The following YWHAB variants were observed in gnomAD, a reference collection of about 807,000 sequenced individuals.
YWHAB encodes the protein 14-3-3 protein beta/alpha.
Under a neutral mutation model 28.5 loss-of-function variants are expected in YWHAB, and 2 were observed. The ratio of observed to expected loss-of-function variants is 0.07; its 90% confidence interval spans 0.03 to 0.22. The LOEUF (loss-of-function observed/expected upper bound fraction) is 0.22, where lower values mean the gene tolerates loss of function less well. Ranked by LOEUF, YWHAB falls within the 10% of genes least tolerant of loss-of-function variation. The pLI, the probability that YWHAB is intolerant of heterozygous loss-of-function variation, is 1.00. For missense variants in YWHAB, 148 were observed against 297.1 expected, an observed-to-expected ratio of 0.50 and a Z score of 3.69; for synonymous variants, 103 against 104.7, an observed-to-expected ratio of 0.98 and a Z score of 0.10.
At chr20:44,903,626 G>A (rs773368832) in intron 2 of YWHAB, 4 of 171,730 alleles carry the variant, frequency 2.3e-5, no homozygotes, top group Non-Finnish European at 3.7e-5. Context: ...GTACACAAAT[G>A]TATCTTAATG....
chr20:44,903,679 C>T, intron 2 of YWHAB: 1 of 196,726 alleles, frequency 5.1e-6, no homozygotes. Flanking sequence ...GCTTTTTTTC[C>T]ACTCAGATTT....
intron 1 of YWHAB, among the ~76,000 whole-genome samples, chr20:44,895,126 A>G (rs1000812884): frequency 3.9e-5 from 6 of 152,226 alleles, no homozygotes; most frequent in Non-Finnish European, 5.9e-5. Flanking sequence ...GGCAAGGTAA[A>G]TCAGTGAGGG....
At chr20:44,904,491 C>T (rs550783946) in intron 3 of YWHAB, among the ~76,000 whole-genome samples, 1 of 151,786 alleles carries the variant, frequency 6.6e-6, no homozygotes, top group African/African-American at 2.4e-5. Context: ...TTATTAAGTG[C>T]TTCTGTGCCA....
chr20:44,907,528 C>T lies in YWHAB; in HGVS notation c.*1090C>T, dbSNP rs1601100872. 1 of 152,222 alleles carries T rather than the reference C, an allele frequency of 6.6e-6. No individual in the cohort carries two copies. Among genetic ancestry groups the T allele is most frequent in the South Asian group, 2.1e-4 (1 of 4,830 alleles). The allele number at this position is 152,222 out of a possible 1,614,324, so 9.4% of individuals were successfully genotyped here. A position where few individuals can be genotyped will look rare whatever the true frequency, so the allele number is the denominator to read the frequency against. ...TTTCACTTGAGGAGTACTCAGTTTTCAGGTTCTTCCTAGCTCGGGGCTTTT... is the reference window on the plus strand; with the variant it reads ...TTTCACTTGAGGAGTACTCAGTTTTTAGGTTCTTCCTAGCTCGGGGCTTTT... On this transcript the variant is annotated 3_prime_UTR_variant, in exon 6 of 6. Coordinates refer to ENST00000353703, the MANE Select transcript of YWHAB (RefSeq NM_139323.4).
intron 1 of YWHAB, among the ~76,000 whole-genome samples, chr20:44,900,863 C>G (rs1044116092): frequency 6.6e-6 from 1 of 152,082 alleles, no homozygotes; most frequent in African/African-American, 2.4e-5. Flanking sequence ...GCAACCTCTG[C>G]CTTTTGGTTT....
chr20:44,891,656 A>G (rs1252753528), intron 1 of YWHAB, among the ~76,000 whole-genome samples: 7 of 152,166 alleles, frequency 4.6e-5, no homozygotes, highest in African/African-American at 1.4e-4. Context: ...TCACATGTGT[A>G]ACCTTGCGCC....
At chr20:44,887,888 TTTG>T (rs1165302492) in intron 1 of YWHAB, 4 of 152,224 alleles carry the variant, frequency 2.6e-5, no homozygotes, top group African/African-American at 9.6e-5. Context: ...AAGCTTTTGG[TTTG>T]TTTTTTAATC....
chr20:44,894,686 A>G (rs1223341106), intron 1 of YWHAB, among the ~76,000 whole-genome samples: 1 of 152,198 alleles, frequency 6.6e-6, no homozygotes, highest in African/African-American at 2.4e-5. Flanking sequence ...TGCACTATGC[A>G]TTTTTCAAGG....
chr20:44,905,905 C>T, intron 4 of YWHAB, 96 bp from the exon 5 acceptor site: 1 of 897,174 alleles, frequency 1.1e-6, no homozygotes, highest in Non-Finnish European at 1.8e-6. Flanking sequence ...AAGTACTGTA[C>T]AAGAAGATAA....
rs766591292 is a variant in YWHAB, at chr20:44,901,653, C to G, written c.120C>G (p.Asn40Lys). ...AVTEQGHELS[N>K]EERNLLSVAY... The stretch of plus-strand genomic sequence containing the variant: ...CAGAACAGGGGCATGAACTCTCCAA[C>G]GAAGAGAGAAATCTGCTCTCTGTTG... The change falls in exon 2 of 6, where the codon AAC (asparagine) becomes AAG (lysine). Residue 40 changes from asparagine (N) to lysine (K), a missense_variant. Asn to Lys is a moderately conservative substitution (Grantham distance 94). Around this residue, in one of 2 missense-constraint regions of YWHAB, gnomAD observed 110 missense variants for 177.9 expected, o/e 0.62. Coordinates refer to ENST00000353703, the MANE Select transcript of YWHAB (RefSeq NM_139323.4). 6.2e-7 allele frequency: 1 copy of G among 1,613,702 alleles called. No individual in the cohort carries two copies. The highest frequency in any genetic ancestry group is 8.5e-7 in the Non-Finnish European group (1 of 1,179,968).
chr20:44,891,169 A>C (rs564124610), intron 1 of YWHAB, among the ~76,000 whole-genome samples: 1 of 151,576 alleles, frequency 6.6e-6, no homozygotes, highest in East Asian at 2.0e-4. Context: ...CCTAGGCTGG[A>C]GTGCAGTGGC....
chr20:44,905,931 C>A, intron 4 of YWHAB, 70 bp from the exon 5 acceptor site: 1 of 1,208,192 alleles, frequency 8.3e-7, no homozygotes, highest in Non-Finnish European at 1.2e-6. Flanking sequence ...ATTCACCTAG[C>A]GGGAAAAAAA....
chr20:44,894,890 G>A (rs565510745), intron 1 of YWHAB, among the ~76,000 whole-genome samples: 1 of 152,336 alleles, frequency 6.6e-6, no homozygotes, highest in African/African-American at 2.4e-5. Flanking sequence ...GGTACTCTGT[G>A]TTCCTTGTGC....
chr20:44,893,961 T>C (rs1375004186), intron 1 of YWHAB, among the ~76,000 whole-genome samples: 1 of 152,154 alleles, frequency 6.6e-6, no homozygotes, highest in African/African-American at 2.4e-5. Flanking sequence ...CCTCCCAAAG[T>C]GCTGGGATTA....
chr20:44,900,614 C>G (rs949770450), intron 1 of YWHAB, among the ~76,000 whole-genome samples: 1 of 152,178 alleles, frequency 6.6e-6, no homozygotes, highest in Middle Eastern at 3.2e-3. Context: ...AAACATCATA[C>G]TTACTCTTTC....
chr20:44,906,296 G>T, intron 5 of YWHAB, 86 bp from the exon 6 acceptor site: 1 of 1,394,538 alleles, frequency 7.2e-7, no homozygotes, highest in Non-Finnish European at 1.0e-6. Context: ...TTAAACTGTC[G>T]AGTGAGATAA....
chr20:44,885,762 G>GCCA lies in YWHAB; in HGVS notation c.-126_-125insACC. On this transcript the variant is annotated 5_prime_UTR_variant, in exon 1 of 6. Coordinates refer to ENST00000353703, the MANE Select transcript of YWHAB (RefSeq NM_139323.4). ...TTCCGGAGCCGGGGTAGTCGCCGCCGCCGCCGCCGCTGCAGCCACTGCAGG... is the reference window on the plus strand; with the variant it reads ...TTCCGGAGCCGGGGTAGTCGCCGCCGCCACCGCCGCCGCTGCAGCCACTGCAGG... The GCCA allele has an allele frequency of 5.5e-6, 1 of 182,034 alleles. No individual in the cohort carries two copies. Among genetic ancestry groups the GCCA allele is most frequent in the South Asian group, 9.3e-5 (1 of 10,732 alleles). 11.3% of individuals were successfully genotyped at this position (182,034 alleles called of 1,614,324 possible).
chr20:44,904,187 G>A (rs576940123), intron 3 of YWHAB, 71 bp downstream of exon 3: 174 of 1,586,974 alleles, frequency 1.1e-4, no homozygotes, highest in East Asian at 1.1e-3. Context: ...ACTTTTTAAC[G>A]ATTTTTGCTT....
At chr20:44,887,176 C>G (rs1347262444) in intron 1 of YWHAB, 1 of 152,328 alleles carries the variant, frequency 6.6e-6, no homozygotes, top group South Asian at 2.1e-4. Context: ...TTAGGGATAT[C>G]TCATTTGTTT....
Sources: allele counts gnomAD v4.1 joint callset (sites outside exome capture counted in the v4.1 genomes callset), GRCh38; gene constraint gnomAD v4.1.1; regional missense constraint gnomAD v4.1.1; transcripts MANE v1.5; gene names NCBI Gene and HGNC (gene_info 2026-07-23, HGNC 2026-07-21).